ADARB2: variants seen among roughly 807,000 people sequenced by gnomAD.
ADARB2 encodes adenosine deaminase RNA specific B2 (inactive), also known as inactive double-stranded RNA-specific editase B2.
Under a neutral mutation model 62.2 loss-of-function variants are expected in ADARB2, and 25 were observed. The ratio of observed to expected loss-of-function variants is 0.40; its 90% CI spans 0.29 to 0.56. The LOEUF is 0.56. Among genes scored for constraint, ADARB2 ranks in the 20% least tolerant of loss-of-function variants. ADARB2 has a pLI of 0.43. For synonymous variants in ADARB2, 572 were observed against 500.8 expected, an observed-to-expected ratio of 1.14 and a Z score of -1.90; for missense variants, 1,071 against 1,077.4, an observed-to-expected ratio of 0.99 and a Z score of 0.08.
At chr10:1,383,548 G>C (rs972411235) in intron 1 of ADARB2, among the ~76,000 whole-genome samples, 12 of 152,116 alleles carry the variant, frequency 7.9e-5, no homozygotes, top group African/African-American at 2.9e-4. Context: ...GCCTTCCCCA[G>C]AATGCTTGAT....
At chr10:1,382,011 A>G (rs1378811817) in intron 1 of ADARB2, among the ~76,000 whole-genome samples, 1 of 152,226 alleles carries the variant, frequency 6.6e-6, no homozygotes, top group African/African-American at 2.4e-5. Flanking sequence ...CATCCCCCAC[A>G]ATGGTAACTA....
intron 1 of ADARB2, among the ~76,000 whole-genome samples, chr10:1,627,752 CAG>C (rs1291355916): frequency 6.6e-6 from 1 of 152,196 alleles, no homozygotes; most frequent in Non-Finnish European, 1.5e-5. Flanking sequence ...TGCTCTCTCC[CAG>C]AGTGATTTCT....
intron 1 of ADARB2, among the ~76,000 whole-genome samples, chr10:1,510,495 T>A (rs1450396106): frequency 6.6e-6 from 1 of 152,196 alleles, no homozygotes; most frequent in African/African-American, 2.4e-5. Context: ...AAGTGATTTC[T>A]GGCTGTTGTT....
At chr10:1,473,909 G>A (rs1198081537) in intron 1 of ADARB2, among the ~76,000 whole-genome samples, 1 of 11,660 alleles carries the variant, frequency 8.6e-5, no homozygotes, top group African/African-American at 2.0e-4. Context: ...CCCTAGAGCT[G>A]AAGCGTGGCC....
intron 3 of ADARB2, among the ~76,000 whole-genome samples, chr10:1,276,478 A>G (rs1831318132): frequency 6.6e-6 from 1 of 152,162 alleles, no homozygotes; most frequent in East Asian, 1.9e-4. Flanking sequence ...CTCTGATGGT[A>G]GTTTCTTTTG....
chr10:1,566,401 G>A (rs1832862721), intron 1 of ADARB2, among the ~76,000 whole-genome samples: 1 of 152,166 alleles, frequency 6.6e-6, no homozygotes, highest in African/African-American at 2.4e-5. Context: ...TCTTTCGTTA[G>A]CAATTCTAAT....
intron 6 of ADARB2, among the ~76,000 whole-genome samples, chr10:1,224,491 T>G (rs992557215): frequency 6.6e-5 from 10 of 152,182 alleles, no homozygotes; most frequent in African/African-American, 2.2e-4. Context: ...TTGCTCTTGC[T>G]TTTCTAGTTC....
intron 1 of ADARB2, among the ~76,000 whole-genome samples, chr10:1,684,756 CA>C (rs1299231405): frequency 5.3e-5 from 8 of 152,168 alleles, no homozygotes; most frequent in African/African-American, 1.9e-4. Context: ...CTGATTTCAC[CA>C]AAAGATTTTG....
At chr10:1,556,076 G>A (rs1832695862) in intron 1 of ADARB2, among the ~76,000 whole-genome samples, 1 of 151,974 alleles carries the variant, frequency 6.6e-6, no homozygotes, top group Non-Finnish European at 1.5e-5. Context: ...TTAGAGATTA[G>A]GGTCTGGAAT....
intron 4 of ADARB2, among the ~76,000 whole-genome samples, chr10:1,267,440 C>T (rs752327601): frequency 6.6e-5 from 10 of 152,176 alleles, no homozygotes; most frequent in Non-Finnish European, 1.5e-4. Context: ...GACAATGATT[C>T]CGGAGATGGT....
chr10:1,480,447 C>T (rs1191613586), intron 1 of ADARB2, among the ~76,000 whole-genome samples: 1 of 152,150 alleles, frequency 6.6e-6, no homozygotes, highest in Non-Finnish European at 1.5e-5. Flanking sequence ...GCCTGTAATC[C>T]CAGCACTTTG....
chr10:1,672,741 G>A (rs1834407641), intron 1 of ADARB2, among the ~76,000 whole-genome samples: 1 of 86,200 alleles, frequency 1.2e-5, no homozygotes, highest in African/African-American at 3.1e-5. Flanking sequence ...CAAGGCTCCT[G>A]CCTCCCTCCC....
Position 1,683,757 on chromosome 10 carries a change from A to G in ADARB2, c.100+53294T>C, listed in dbSNP as rs1226318770. Reference sequence around the variant, plus strand: ...GAAAAAGACATCATGACTGTTTCTGAAGAAATTGTAGCTTGGAAATGATAG... The same window carrying G: ...GAAAAAGACATCATGACTGTTTCTGGAGAAATTGTAGCTTGGAAATGATAG... On this transcript the variant is annotated intron_variant, in intron 1 of 9. Transcript: ENST00000381312. Among the ~76,000 whole-genome samples, 5 of 152,238 alleles carry G rather than the reference A, an allele frequency of 3.3e-5. No individual in the cohort carries two copies. The South Asian group carries it at 6.2e-4, about 19-fold the overall frequency.
intron 1 of ADARB2, among the ~76,000 whole-genome samples, chr10:1,614,329 G>A (rs906309642): frequency 1.3e-5 from 2 of 152,132 alleles, no homozygotes; most frequent in African/African-American, 4.8e-5. Context: ...TTTCTCATTG[G>A]AACTTTTAAA....
chr10:1,439,074 G>A (rs1187562476), intron 1 of ADARB2, among the ~76,000 whole-genome samples: 2 of 139,180 alleles, frequency 1.4e-5, no homozygotes, highest in Admixed American at 1.4e-4. Flanking sequence ...TTCATGATGG[G>A]GCTCCTGAAT....
intron 1 of ADARB2, among the ~76,000 whole-genome samples, chr10:1,570,465 C>T (rs559262723): frequency 2.6e-5 from 4 of 152,246 alleles, no homozygotes; most frequent in South Asian, 2.1e-4. Flanking sequence ...CCATGCTCAC[C>T]GCACGGCAGG....
Position 1,217,956 on chromosome 10 carries a change from C to G in ADARB2, c.1514-837G>C, listed in dbSNP as rs1355178023. ...GGGTCCCCTTGACACCCCCCGCCCC[C>G]CTATACCACATTCCCCACAATTACT... is the stretch of plus-strand genomic sequence containing the variant. On this transcript the variant is annotated intron_variant, in intron 6 of 9. Coordinates refer to ENST00000381312, the MANE Select transcript of ADARB2 (RefSeq NM_018702.4). 2.6e-5 allele frequency among the ~76,000 whole-genome samples: 4 copies of G among 152,120 alleles called. No individual in the cohort carries two copies. In the East Asian group the frequency reaches 5.8e-4, roughly 22 times the overall value.
chr10:1,319,265 A>T (rs1450466356), intron 3 of ADARB2, among the ~76,000 whole-genome samples: 1 of 152,228 alleles, frequency 6.6e-6, no homozygotes, highest in African/African-American at 2.4e-5. Flanking sequence ...AGAAAGCATG[A>T]TCTTGCCTGT....
intron 4 of ADARB2, among the ~76,000 whole-genome samples, chr10:1,259,365 T>C (rs1191480769): frequency 5.3e-5 from 8 of 152,024 alleles, no homozygotes. Flanking sequence ...CAGGAGCTGG[T>C]TTTTTGAAAA....
Sources: gnomAD v4.1 joint callset for allele counts (sites outside exome capture counted in the v4.1 genomes callset) on GRCh38, gnomAD v4.1.1 for gene constraint, MANE v1.5 for transcripts, NCBI Gene and HGNC (gene_info 2026-07-23, HGNC 2026-07-21) for gene names.